The following TUSC3 variants were observed in gnomAD, a reference collection of about 807,000 sequenced individuals.
TUSC3 encodes tumor suppressor candidate 3.
A neutral mutation model predicts 44.8 loss-of-function variants in TUSC3; 45 were observed. That is an observed-to-expected ratio of 1.00 (90% CI 0.79 to 1.29). The LOEUF (loss-of-function observed/expected upper bound fraction) is 1.29. TUSC3 is among the 50% of genes most tolerant of loss of function. The pLI, the probability that TUSC3 is intolerant of heterozygous loss-of-function variation, is 0.00. For synonymous variants in TUSC3, 212 were observed against 152.9 expected, an observed-to-expected ratio of 1.39 and a Z score of -2.85; for missense variants, 519 against 437.9, an observed-to-expected ratio of 1.19 and a Z score of -1.65.
At chr8:15,661,301 A>G (rs1807412871) in intron 4 of TUSC3, among the ~76,000 whole-genome samples, 2 of 152,028 alleles carry the variant, frequency 1.3e-5, no homozygotes, top group Admixed American at 1.3e-4. Context: ...TTTGGTCTAG[A>G]GTTAGATATT....
chr8:15,835,312 A>G, the TUSC3 span, among the ~76,000 whole-genome samples: 4 of 152,038 alleles, frequency 2.6e-5, no homozygotes, highest in Non-Finnish European at 4.4e-5. Flanking sequence ...AGCAATTACT[A>G]TTTTAGAATT....
At chr8:15,441,246 A>G (rs1230572177) in intron 1 of TUSC3, among the ~76,000 whole-genome samples, 2 of 152,212 alleles carry the variant, frequency 1.3e-5, no homozygotes, top group Non-Finnish European at 2.9e-5. Context: ...GTCTCTACTG[A>G]AAATACAAAA....
chr8:15,534,491 A>C (rs1181359180), intron 2 of TUSC3, among the ~76,000 whole-genome samples: 1 of 151,914 alleles, frequency 6.6e-6, no homozygotes, highest in African/African-American at 2.4e-5. Flanking sequence ...AAAATACAAA[A>C]AATTAGCCGG....
At chr8:15,610,863 A>ATC (rs939718725) in intron 1 of TUSC3, among the ~76,000 whole-genome samples, 1 of 152,152 alleles carries the variant, frequency 6.6e-6, no homozygotes. Context: ...CAAAATGTGG[A>ATC]TCTCTCCTCA....
chr8:15,650,861 T>C, intron 3 of TUSC3, 47 bp downstream of exon 3: 1 of 1,573,648 alleles, frequency 6.4e-7, no homozygotes, highest in East Asian at 2.2e-5. Flanking sequence ...TTGTTTGTGG[T>C]CGATACATTT....
intron 1 of TUSC3, among the ~76,000 whole-genome samples, chr8:15,450,542 C>T (rs1800184198): frequency 6.6e-6 from 1 of 152,044 alleles, no homozygotes; most frequent in Middle Eastern, 3.2e-3. Context: ...AAATTCACCC[C>T]ACCTGTAATC....
At chr8:15,455,183 A>T (rs550061053) in intron 1 of TUSC3, among the ~76,000 whole-genome samples, 1 of 152,234 alleles carries the variant, frequency 6.6e-6, no homozygotes, top group East Asian at 1.9e-4. Flanking sequence ...AGAAAAGTAA[A>T]CACATACCAA....
chr8:15,510,247 C>A (rs188364995), intron 2 of TUSC3, among the ~76,000 whole-genome samples: 2 of 151,800 alleles, frequency 1.3e-5, no homozygotes, highest in East Asian at 3.9e-4. Context: ...AAAGTGGAAA[C>A]CAATGCAATA....
chr8:15,715,163 A>G (rs1017606695), intron 6 of TUSC3, among the ~76,000 whole-genome samples: 1 of 152,130 alleles, frequency 6.6e-6, no homozygotes, highest in African/African-American at 2.4e-5. Flanking sequence ...ACCATCATTC[A>G]GTGCTTGAAA....
intron 6 of TUSC3, among the ~76,000 whole-genome samples, chr8:15,681,278 A>T (rs897518950): frequency 6.6e-6 from 1 of 151,292 alleles, no homozygotes; most frequent in African/African-American, 2.4e-5. Flanking sequence ...TATTTTATGG[A>T]ATTCATCTGA....
rs140887727 is a variant in TUSC3, at chr8:15,592,792, C to G, written c.139-30288C>G. 1.1e-4 allele frequency among the ~76,000 whole-genome samples: 16 copies of G among 152,232 alleles called. No individual in the cohort carries two copies. The East Asian group carries it at 2.9e-3, about 28-fold the overall frequency. On this transcript the variant is annotated intron_variant, in intron 1 of 10. Transcript: ENST00000503731. The stretch of plus-strand genomic sequence containing the variant: ...CTGAGTTCTTGTAAATGTAGTAACT[C>G]AAGCCTTACAACAAACATGTGATAC...
Position 15,662,268 on chromosome 8 carries a change from A to C in TUSC3, c.680A>C (p.Asn227Thr), listed in dbSNP as rs1425595766. 5 of 1,613,042 alleles carry C rather than the reference A, an allele frequency of 3.1e-6. No homozygotes were observed. Among genetic ancestry groups the C allele is most frequent in the Non-Finnish European group, 4.2e-6 (5 of 1,179,246 alleles). ...AGGAACAACTTGGAGTTCATCTATAACAAGACTGGTTGGGCCATGGTGTCT... is the reference window on the plus strand; with the variant it reads ...AGGAACAACTTGGAGTTCATCTATACCAAGACTGGTTGGGCCATGGTGTCT... ...LRRNNLEFIY[N>T]KTGWAMVSLC... is the part of the protein sequence containing the mutation. Residue 227 changes from asparagine to threonine, a missense_variant, in exon 5 of 11, where the codon AAC becomes ACC. Physicochemically the swap from Asn to Thr is moderately conservative, Grantham distance 65. Coordinates refer to ENST00000503731, the MANE Select transcript of TUSC3 (RefSeq NM_006765.4).
At chr8:15,693,133 T>TG (rs1808995924) in intron 6 of TUSC3, among the ~76,000 whole-genome samples, 1 of 152,218 alleles carries the variant, frequency 6.6e-6, no homozygotes, top group Non-Finnish European at 1.5e-5. Flanking sequence ...GCCTTTTAAT[T>TG]GGGGCATTTA....
rs1278852534 is a variant in TUSC3 at position 15,766,600 on chromosome 8, T to G, written c.*2444T>G. On this transcript the variant is annotated 3_prime_UTR_variant, in exon 11 of 11. Coordinates refer to ENST00000503731, the MANE Select transcript of TUSC3 (RefSeq NM_006765.4). ...GATTAATAACTTGTTGCATTTTGCTTAACATACTGTTCCTGGCATTAGATA... is the reference window on the plus strand; with the variant it reads ...GATTAATAACTTGTTGCATTTTGCTGAACATACTGTTCCTGGCATTAGATA... 6.6e-6 allele frequency: 1 copy of G among 152,146 alleles called. No individual in the cohort carries two copies. Among genetic ancestry groups the G allele is most frequent in the East Asian group, 1.9e-4 (1 of 5,198 alleles). The allele number at this position is 152,146 out of a possible 1,614,324, so 9.4% of individuals were successfully genotyped here.
At chr8:15,828,157 G>A in the TUSC3 span, among the ~76,000 whole-genome samples, 6 of 151,958 alleles carry the variant, frequency 3.9e-5, no homozygotes, top group African/African-American at 1.4e-4. Context: ...ACCACACCTG[G>A]CTAATTTTTG....
chr8:15,806,603 T>C, the TUSC3 span: 1 of 1,457,242 alleles, frequency 6.9e-7, no homozygotes, highest in Non-Finnish European at 9.6e-7. Context: ...GATAATGAAG[T>C]GATCATCTTC....
chr8:15,678,587 G>C (rs1199943728), intron 6 of TUSC3, among the ~76,000 whole-genome samples: 1 of 152,050 alleles, frequency 6.6e-6, no homozygotes, highest in Admixed American at 6.6e-5. Context: ...AAAAATGTAC[G>C]CATATTTAAG....
intron 1 of TUSC3, among the ~76,000 whole-genome samples, chr8:15,610,149 C>T (rs4831344): frequency 0.17 from 25,590 of 151,888 alleles, 2,789 homozygotes; most frequent in Non-Finnish European, 0.24. Context: ...TATTTTGTAT[C>T]GTTGTTTTTA....
chr8:15,421,717 G>T lies in TUSC3; in HGVS notation n.91+4412G>T, dbSNP rs7464220. Reference sequence around the variant, plus strand: ...ATGTTAAAGGTGCCTATTCATGCATGAATGAAATAGAGCTGAAAGAGAAAG... The same window carrying T: ...ATGTTAAAGGTGCCTATTCATGCATTAATGAAATAGAGCTGAAAGAGAAAG... On this transcript the variant is annotated intron_variant and non_coding_transcript_variant, in intron 1 of 5. Coordinates refer to the TUSC3 transcript ENST00000503191. Among the ~76,000 whole-genome samples, 252 of 152,246 alleles carry T rather than the reference G, an allele frequency of 1.7e-3. 1 individual carries two copies. The highest frequency in any genetic ancestry group is 5.7e-3 in the African/African-American group (237 of 41,536).
Sources: gnomAD v4.1 joint callset for allele counts (sites outside exome capture counted in the v4.1 genomes callset) on GRCh38, gnomAD v4.1.1 for gene constraint, MANE v1.5 for transcripts, NCBI Gene and HGNC (gene_info 2026-07-23, HGNC 2026-07-21) for gene names.